The following SLC14A2 variants were observed in gnomAD, a reference collection of about 807,000 sequenced individuals.
The protein encoded by SLC14A2 is urea transporter 2.
A neutral mutation model predicts 104.6 loss-of-function variants in SLC14A2; 91 were observed. The observed-to-expected ratio is 0.87, with a 90% CI of 0.73 to 1.04. The LOEUF is 1.04. SLC14A2 is among the 50% of genes least tolerant of loss of function. The pLI is 0.00. For synonymous variants in SLC14A2, 476 were observed against 466.4 expected (o/e 1.02, Z -0.27); for missense variants, 1,189 against 1,156.0 (o/e 1.03, Z -0.41).
At chr18:45,539,517 C>T (rs1364014571) in intron 2 of SLC14A2, among the ~76,000 whole-genome samples, 6 of 152,172 alleles carry the variant, frequency 3.9e-5, no homozygotes, top group Non-Finnish European at 8.8e-5. Context: ...AGATCAAATC[C>T]AGACCCTGCC....
At chr18:45,343,410 C>T (rs1190465869) in intron 1 of SLC14A2, among the ~76,000 whole-genome samples, 1 of 152,056 alleles carries the variant, frequency 6.6e-6, no homozygotes, top group African/African-American at 2.4e-5. Flanking sequence ...TGAATGCTCC[C>T]ATGACAGTCT....
chr18:45,466,659 T>C (rs1011883128), intron 1 of SLC14A2, among the ~76,000 whole-genome samples: 1 of 149,778 alleles, frequency 6.7e-6, no homozygotes, highest in Admixed American at 6.7e-5. Context: ...AGGAGGTTCT[T>C]TGAACAAGTA....
chr18:45,512,224 T>C (rs2043375246), intron 2 of SLC14A2, among the ~76,000 whole-genome samples: 1 of 152,082 alleles, frequency 6.6e-6, no homozygotes, highest in Non-Finnish European at 1.5e-5. Flanking sequence ...TGAATTCCAG[T>C]CCCCATCAGA....
intron 12 of SLC14A2, 70 bp from the exon 13 acceptor site, chr18:45,666,865 C>A: frequency 1.5e-6 from 2 of 1,364,092 alleles, no homozygotes; most frequent in Non-Finnish European, 2.1e-6. Flanking sequence ...CCTGAGTGAC[C>A]ACAAACATGA....
intron 2 of SLC14A2, among the ~76,000 whole-genome samples, chr18:45,543,155 G>A (rs1201959386): frequency 6.6e-6 from 1 of 151,762 alleles, no homozygotes; most frequent in Non-Finnish European, 1.5e-5. Flanking sequence ...CACCATGTTG[G>A]CCAGGCTGGT....
chr18:45,543,007 G>A (rs2043913909), intron 2 of SLC14A2, among the ~76,000 whole-genome samples: 1 of 151,846 alleles, frequency 6.6e-6, no homozygotes, highest in African/African-American at 2.4e-5. Flanking sequence ...GGAGTGCAGT[G>A]GCACAATCTT....
At chr18:45,210,585 G>A (rs186790246), upstream of SLC14A2, among the ~76,000 whole-genome samples, 2 of 152,196 alleles carry the variant, frequency 1.3e-5, no homozygotes, top group African/African-American at 2.4e-5. Context: ...TTGAAAGAAA[G>A]TAAAGCTGAG....
the SLC14A2 span, among the ~76,000 whole-genome samples, chr18:45,192,944 C>T: frequency 2.6e-5 from 4 of 152,056 alleles, no homozygotes; most frequent in South Asian, 2.1e-4. Context: ...CATGAACCAC[C>T]GGGCCTGGCC....
intron 1 of SLC14A2, among the ~76,000 whole-genome samples, chr18:45,622,298 A>G (rs1221078527): frequency 6.6e-6 from 1 of 152,130 alleles, no homozygotes; most frequent in African/African-American, 2.4e-5. Flanking sequence ...AGAGAGTAAG[A>G]AGAAGGGAGC....
intron 1 of SLC14A2, among the ~76,000 whole-genome samples, chr18:45,306,738 A>C (rs560516762): frequency 4.6e-5 from 7 of 152,292 alleles, no homozygotes; most frequent in African/African-American, 1.7e-4. Flanking sequence ...CGCTGAGGAA[A>C]GCCACAGCAT....
chr18:45,378,802 G>C (rs992253836), intron 1 of SLC14A2, among the ~76,000 whole-genome samples: 1 of 151,980 alleles, frequency 6.6e-6, no homozygotes, highest in Non-Finnish European at 1.5e-5. Flanking sequence ...TTTAGGACTG[G>C]GTTTTGCCAT....
chr18:45,644,159 C>G lies in SLC14A2; in HGVS notation c.1350C>G (p.Ser450Arg). ...GCGGTGAAGAAGAGAAGGCCCCCAG[C>G]GGTGAATAGCCATGTTCGGGGAAGA... ...VKSGEEEKAP[S>R]GGGGEHPPTA... Residue 450 changes from serine (S) to arginine (R), a missense_variant and splice_region_variant, in exon 10 of 20, where the codon AGC (serine) becomes AGG (arginine). Transcript: ENST00000255226. 6.2e-7 allele frequency: 1 copy of G among 1,614,072 alleles called. No homozygotes were observed. Among genetic ancestry groups the G allele is most frequent in the Non-Finnish European group, 8.5e-7 (1 of 1,179,934 alleles).
At position 45,624,788 on chromosome 18, in the gene SLC14A2, C is replaced by A; in HGVS notation, c.124C>A (p.Pro42Thr). Residue 42 changes from proline to threonine, a missense_variant, in exon 2 of 20, where the codon CCC becomes ACC. Coordinates refer to ENST00000255226, the MANE Select transcript of SLC14A2 (RefSeq NM_007163.4). ...STSPDTHPALPLLEMPEEKDL... is the reference protein window; with the variant it reads ...STSPDTHPALTLLEMPEEKDL... ...ATCCCCGGATACTCACCCAGCTCTG[C>A]CCCTCCTGGAAATGCCTGAAGAAAA... is the stretch of plus-strand genomic sequence containing the variant. 8 of 1,611,872 alleles carry A rather than the reference C, an allele frequency of 5.0e-6. No individual in the cohort carries two copies. The highest frequency in any genetic ancestry group is 5.9e-6 in the Non-Finnish European group (7 of 1,179,050).
intron 2 of SLC14A2, among the ~76,000 whole-genome samples, chr18:45,579,904 G>T (rs183823502): frequency 1.2e-4 from 19 of 152,296 alleles, no homozygotes; most frequent in African/African-American, 4.6e-4. Flanking sequence ...ACCATGCAAA[G>T]AGTTAAGAAG....
chr18:45,478,500 T>G lies in SLC14A2; in HGVS notation c.-124-4733T>G, dbSNP rs190861632. Among the ~76,000 whole-genome samples, 37 of 152,338 alleles carry G rather than the reference T, an allele frequency of 2.4e-4. No individual in the cohort carries two copies. The East Asian group carries it at 6.2e-3, about 25-fold the overall frequency. On this transcript the variant is annotated intron_variant, in intron 1 of 20. Transcript: ENST00000586448. ...TCCTTTAGCTTGATGGTAACACAATTTGGTACTTGTTCTTTGTCTGTTTCC... is the reference window on the plus strand; with the variant it reads ...TCCTTTAGCTTGATGGTAACACAATGTGGTACTTGTTCTTTGTCTGTTTCC...
intron 2 of SLC14A2, among the ~76,000 whole-genome samples, chr18:45,533,045 A>C (rs2043722574): frequency 6.6e-6 from 1 of 152,200 alleles, no homozygotes; most frequent in Non-Finnish European, 1.5e-5. Flanking sequence ...CCAGGGATGA[A>C]GCCCACTTGA....
chr18:45,639,489 C>T (rs1164488403), intron 6 of SLC14A2, among the ~76,000 whole-genome samples: 4 of 152,122 alleles, frequency 2.6e-5, no homozygotes, highest in Admixed American at 2.6e-4. Context: ...GCCGTATGTT[C>T]CTCAGAAGCA....
intron 2 of SLC14A2, among the ~76,000 whole-genome samples, chr18:45,583,878 G>C (rs922760815): frequency 6.6e-5 from 10 of 152,208 alleles, no homozygotes; most frequent in African/African-American, 2.4e-4. Flanking sequence ...GAACTGGTAT[G>C]AGCTGGCTCC....
chr18:45,658,210 T>C (rs2045875147), intron 10 of SLC14A2, among the ~76,000 whole-genome samples: 1 of 152,140 alleles, frequency 6.6e-6, no homozygotes, highest in Non-Finnish European at 1.5e-5. Context: ...TAGCCTCTCA[T>C]GCTCCTTATG....
Sources: allele counts gnomAD v4.1 joint callset (sites outside exome capture counted in the v4.1 genomes callset), GRCh38; gene constraint gnomAD v4.1.1; transcripts MANE v1.5; gene names NCBI Gene and HGNC (gene_info 2026-07-23, HGNC 2026-07-21).